Variants in IL36G observed in about 807,000 individuals in gnomAD.
The protein encoded by IL36G is interleukin-36 gamma.
In IL36G, 10 loss-of-function variants were observed where a neutral mutation model predicts 13.5. The ratio of observed to expected loss-of-function variants is 0.74; its 90% CI spans 0.46 to 1.26. IL36G has a LOEUF of 1.26. Among genes scored for constraint, IL36G ranks in the 50% most tolerant of loss-of-function variants. The probability of loss-of-function intolerance (pLI) is 0.00; values close to 1 mark genes in which losing one functional copy is unlikely to be tolerated. For missense variants in IL36G, 199 were observed against 203.0 expected (o/e 0.98, Z 0.12); for synonymous variants, 84 against 74.0 (o/e 1.13, Z -0.69).
intron 4 of IL36G, 121 bp from the exon 5 acceptor site, chr2:112,984,719 G>T (rs1684323074): frequency 1.2e-6 from 1 of 808,828 alleles, no homozygotes. Flanking sequence ...CTCTAGGCCT[G>T]CTCTAATAGA....
In IL36G at chr2:112,981,159, C is replaced by T; in HGVS notation, c.300+1011C>T. 5 of 1,115,290 alleles carry T rather than the reference C, an allele frequency of 4.5e-6. 1 individual carries two copies. The South Asian group carries it at 4.9e-5, about 11-fold the overall frequency. The allele number at this position is 1,115,290 out of a possible 1,614,324, so 69.1% of individuals were successfully genotyped here. On this transcript the variant is annotated intron_variant, in intron 4 of 4. Coordinates refer to ENST00000259205, the MANE Select transcript of IL36G (RefSeq NM_019618.4). Reference sequence around the variant, plus strand: ...AGTACACAGTTATCAAAAATGCACACACTACACTTGGCATCTGCAGCACCT... The same window carrying T: ...AGTACACAGTTATCAAAAATGCACATACTACACTTGGCATCTGCAGCACCT...
chr2:112,978,217 G>C (rs1684199159), intron 1 of IL36G, 139 bp downstream of exon 1: 1 of 215,924 alleles, frequency 4.6e-6, no homozygotes, highest in Admixed American at 5.2e-5. Flanking sequence ...TCTTACTGGG[G>C]AGTTGCTGGG....
At chr2:112,982,866 G>A (rs1200279089) in intron 4 of IL36G, among the ~76,000 whole-genome samples, 3 of 152,180 alleles carry the variant, frequency 2.0e-5, no homozygotes, top group Non-Finnish European at 2.9e-5. Context: ...TTACAAGAAA[G>A]GGATCAGAGA....
At chr2:112,979,957 T>A (rs1573340859) in intron 3 of IL36G, 52 bp from the exon 4 acceptor site, 2 of 1,580,766 alleles carry the variant, frequency 1.3e-6, no homozygotes, top group Non-Finnish European at 1.7e-6. Flanking sequence ...AATCAAATAA[T>A]CTTTCTGACT....
chr2:112,983,231 G>A (rs890999383), intron 4 of IL36G, among the ~76,000 whole-genome samples: 1 of 152,112 alleles, frequency 6.6e-6, no homozygotes, highest in South Asian at 2.1e-4. Context: ...GGTGATGATG[G>A]AGGAGGTATG....
At chr2:112,983,136 C>G (rs1192493667) in intron 4 of IL36G, among the ~76,000 whole-genome samples, 1 of 151,982 alleles carries the variant, frequency 6.6e-6, no homozygotes, top group Non-Finnish European at 1.5e-5. Context: ...ATATGGGTGC[C>G]ATGTGCTGGG....
At chr2:112,981,071 CAA>C (rs1684252717) in intron 4 of IL36G, 1 of 723,048 alleles carries the variant, frequency 1.4e-6, no homozygotes, top group Non-Finnish European at 2.4e-6. Flanking sequence ...AAAAGTAAAA[CAA>C]AATTCTGCAT....
intron 2 of IL36G, among the ~76,000 whole-genome samples, chr2:112,978,896 C>G (rs572561894): frequency 6.6e-6 from 1 of 152,336 alleles, no homozygotes; most frequent in South Asian, 2.1e-4. Flanking sequence ...TCCCCAGCAC[C>G]GGGGCCAAGC....
chr2:112,985,378 A>G lies in IL36G; in HGVS notation c.*329A>G, dbSNP rs1225185286. The G allele has an allele frequency of 3.4e-6, 1 of 296,486 alleles. No individual in the cohort carries two copies. The highest frequency in any genetic ancestry group is 7.8e-5 in the East Asian group (1 of 12,882). The allele number at this position is 296,486 out of a possible 1,614,324, so 18.4% of individuals were successfully genotyped here. Reference sequence around the variant, plus strand: ...CTAGGGGTGGGTATGAAGATGCTTCAGAGCTCATGCGCGTTACCCACGATG... The same window carrying G: ...CTAGGGGTGGGTATGAAGATGCTTCGGAGCTCATGCGCGTTACCCACGATG... On this transcript the variant is annotated 3_prime_UTR_variant, in exon 5 of 5. Transcript: ENST00000259205.
intron 4 of IL36G, chr2:112,981,349 A>G: frequency 1.3e-6 from 1 of 781,506 alleles, no homozygotes; most frequent in Non-Finnish European, 2.3e-6. Flanking sequence ...CAGGTTTAGC[A>G]GACAACTTTG....
Position 112,978,758 on chromosome 2 carries a change from T to C in IL36G, c.55+65T>C, listed in dbSNP as rs28947208. On this transcript the variant is annotated intron_variant, in intron 2 of 4. Transcript: ENST00000259205. Reference sequence around the variant, plus strand: ...GGCCCTCTGCACTCACGCTATCTCCTGTGGAAGCCCCAGCCTTCTCTGCTC... The same window carrying C: ...GGCCCTCTGCACTCACGCTATCTCCCGTGGAAGCCCCAGCCTTCTCTGCTC... 731 of 1,486,614 alleles carry C rather than the reference T, an allele frequency of 4.9e-4. 2 individuals are homozygous for C. In the African/African-American group the frequency reaches 7.8e-3, roughly 16 times the overall value. The allele number at this position is 1,486,614 out of a possible 1,614,324, so 92.1% of individuals were successfully genotyped here. A position where few individuals can be genotyped will look rare whatever the true frequency, so the allele number is the denominator to read the frequency against.
Position 112,978,391 on chromosome 2 carries a change from A to G in IL36G, c.-19-229A>G, listed in dbSNP as rs12328178. On this transcript the variant is annotated intron_variant, in intron 1 of 4. Coordinates refer to ENST00000259205, the MANE Select transcript of IL36G (RefSeq NM_019618.4). ...TGGCCTTCGAACTCCTAGGGGAGAC[A>G]CTACCATACTATCTGGATCTCCAGG... is the stretch of plus-strand genomic sequence containing the variant. Among the ~76,000 whole-genome samples the G allele has an allele frequency of 6.1e-3, 932 of 152,324 alleles. 8 individuals are homozygous for G. The highest frequency in any genetic ancestry group is 0.021 in the African/African-American group (889 of 41,572).
At chr2:112,982,040 G>A (rs1284792790) in intron 4 of IL36G, among the ~76,000 whole-genome samples, 25 of 152,204 alleles carry the variant, frequency 1.6e-4, no homozygotes, top group Non-Finnish European at 2.2e-4. Flanking sequence ...CCCTGACCAT[G>A]TGGGGCTTGG....
Position 112,985,104 on chromosome 2 carries a change from G to A in IL36G, c.*55G>A, listed in dbSNP as rs932774714. ...TGTCTTAAAGTTTCTGGTTCCCAAT[G>A]TGTTTTCGTCTACATTTTCTTAGTG... On this transcript the variant is annotated 3_prime_UTR_variant, in exon 5 of 5. Coordinates refer to ENST00000259205, the MANE Select transcript of IL36G (RefSeq NM_019618.4). 16 of 1,315,986 alleles carry A rather than the reference G, an allele frequency of 1.2e-5. No individual in the cohort carries two copies. The Admixed American group carries it at 1.7e-4, about 14-fold the overall frequency. 81.5% of individuals were successfully genotyped at this position (1,315,986 alleles called of 1,614,324 possible).
chr2:112,978,785 T>A lies in IL36G; in HGVS notation c.55+92T>A, dbSNP rs538919190. On this transcript the variant is annotated intron_variant, in intron 2 of 4. Coordinates refer to ENST00000259205, the MANE Select transcript of IL36G (RefSeq NM_019618.4). ...TGGAAGCCCCAGCCTTCTCTGCTCCTCTCTGTACACTGCCCTTCCCACCTG... is the reference window on the plus strand; with the variant it reads ...TGGAAGCCCCAGCCTTCTCTGCTCCACTCTGTACACTGCCCTTCCCACCTG... 21 of 1,262,872 alleles carry A rather than the reference T, an allele frequency of 1.7e-5. No homozygotes were observed. In the South Asian group the frequency reaches 2.3e-4, roughly 14 times the overall value. 78.2% of individuals were successfully genotyped at this position (1,262,872 alleles called of 1,614,324 possible). A position where few individuals can be genotyped will look rare whatever the true frequency, so the allele number is the denominator to read the frequency against.
chr2:112,982,520 T>G (rs1049232650), intron 4 of IL36G, among the ~76,000 whole-genome samples: 1 of 151,878 alleles, frequency 6.6e-6, no homozygotes, highest in Non-Finnish European at 1.5e-5. Flanking sequence ...CGGGCAAAGG[T>G]GAAAGTCCTT....
intron 4 of IL36G, among the ~76,000 whole-genome samples, chr2:112,981,001 G>A (rs1053181091): frequency 6.6e-6 from 1 of 152,188 alleles, no homozygotes; most frequent in East Asian, 1.9e-4. Flanking sequence ...AGTGACATAT[G>A]CCCCTTCCCC....
intron 4 of IL36G, among the ~76,000 whole-genome samples, chr2:112,981,805 T>C (rs1684266271): frequency 6.6e-6 from 1 of 152,270 alleles, no homozygotes; most frequent in Non-Finnish European, 1.5e-5. Context: ...AATCATCCTT[T>C]TATAGCATTT....
At position 112,978,646 on chromosome 2, in the gene IL36G, G is replaced by T; in HGVS notation, c.8G>T (p.Gly3Val). Residue 3 changes from glycine to valine, a missense_variant, in exon 2 of 5, where the codon GGC (glycine) becomes GTC (valine). Transcript: ENST00000259205. MR[G>V]TPGDADGGGR... Reference sequence around the variant, plus strand: ...TGCTGAGACAACCACACTATGAGAGGCACTCCAGGAGACGCTGATGGTGGA... The same window carrying T: ...TGCTGAGACAACCACACTATGAGAGTCACTCCAGGAGACGCTGATGGTGGA... 1.2e-6 allele frequency: 2 copies of T among 1,614,118 alleles called. No individual in the cohort carries two copies. Among genetic ancestry groups the T allele is most frequent in the Non-Finnish European group, 1.7e-6 (2 of 1,179,970 alleles).
Sources: gnomAD v4.1 joint callset for allele counts (sites outside exome capture counted in the v4.1 genomes callset) on GRCh38, gnomAD v4.1.1 for gene constraint, MANE v1.5 for transcripts, NCBI Gene and HGNC (gene_info 2026-07-23, HGNC 2026-07-21) for gene names.